Variants in NEK5 observed in about 807,000 individuals in gnomAD.
NEK5 encodes the protein serine/threonine-protein kinase Nek5.
A neutral mutation model predicts 109.2 loss-of-function variants in NEK5; 88 were observed. The observed-to-expected ratio is 0.81, with a 90% CI of 0.68 to 0.96. The LOEUF is 0.96. Ranked by LOEUF, NEK5 falls within the 40% of genes least tolerant of loss-of-function variation. The pLI, the probability that NEK5 is intolerant of heterozygous loss-of-function variation, is 0.00. For synonymous variants in NEK5, 283 were observed against 299.9 expected, an observed-to-expected ratio of 0.94 and a Z score of 0.58; for missense variants, 834 against 920.7, an observed-to-expected ratio of 0.91 and a Z score of 1.22.
intron 17 of NEK5, among the ~76,000 whole-genome samples, chr13:52,078,593 T>TTC: frequency 3.1e-5 from 1 of 31,892 alleles, no homozygotes; most frequent in Non-Finnish European, 1.8e-4. Flanking sequence ...AATAAAACTG[T>TTC]TTTTTTTTTT....
intron 20 of NEK5, among the ~76,000 whole-genome samples, chr13:52,070,250 G>A (rs1174705988): frequency 6.6e-6 from 1 of 152,206 alleles, no homozygotes; most frequent in Non-Finnish European, 1.5e-5. Flanking sequence ...GATGAGAAAA[G>A]TGGGTCACAG....
intron 22 of NEK5, among the ~76,000 whole-genome samples, 194 bp from the exon 23 acceptor site, chr13:52,050,415 G>C (rs1387237131): frequency 6.6e-6 from 1 of 152,148 alleles, no homozygotes; most frequent in East Asian, 1.9e-4. Flanking sequence ...GAGAGGAAGA[G>C]ATAAAACACC....
chr13:52,054,064 A>C (rs141805329), intron 22 of NEK5, among the ~76,000 whole-genome samples: 55 of 152,344 alleles, frequency 3.6e-4, no homozygotes, highest in African/African-American at 1.3e-3. Flanking sequence ...AATGCCTTTT[A>C]ATTCTTGTAA....
chr13:52,086,311 T>C lies in NEK5; in HGVS notation c.1445A>G (p.Lys482Arg). Residue 482 changes from lysine to arginine, a missense_variant, in exon 16 of 24, where the codon AAA (lysine) becomes AGA (arginine). Coordinates refer to ENST00000684899, the MANE Select transcript of NEK5 (RefSeq NM_001365552.1). The part of the protein sequence containing the change: ...EIRQQYHNDM[K>R]EIRKKMGREP... The stretch of plus-strand genomic sequence containing the variant: ...TCTCCCCATCTTCTTTCTAATTTCT[T>C]TCATGTCATTGTGGTACTGTTGGCG... 6.2e-7 allele frequency: 1 copy of C among 1,612,528 alleles called. No homozygotes were observed. Among genetic ancestry groups the C allele is most frequent in the Non-Finnish European group, 8.5e-7 (1 of 1,178,562 alleles).
chr13:52,087,198 T>A lies in NEK5; in HGVS notation c.1392+140A>T, dbSNP rs1955164644. ...TATCTGAGAAAGTGAAATACCTAAC[T>A]CTGTATCCCCTATAACACTCAGCAT... On this transcript the variant is annotated intron_variant, in intron 15 of 23. Coordinates refer to ENST00000684899, the MANE Select transcript of NEK5 (RefSeq NM_001365552.1). 10 of 487,920 alleles carry A rather than the reference T, an allele frequency of 2.0e-5. No individual in the cohort carries two copies. The South Asian group carries it at 4.8e-4, about 23-fold the overall frequency. The allele number at this position is 487,920 out of a possible 1,614,324, so 30.2% of individuals were successfully genotyped here.
chr13:52,071,047 A>C (rs1293205449), intron 20 of NEK5, among the ~76,000 whole-genome samples: 2 of 152,200 alleles, frequency 1.3e-5, no homozygotes, highest in Non-Finnish European at 2.9e-5. Flanking sequence ...CTGTCTCTGA[A>C]GCCTACACCA....
intron 8 of NEK5, among the ~76,000 whole-genome samples, chr13:52,106,124 C>T (rs1413512201): frequency 1.3e-5 from 2 of 152,030 alleles, no homozygotes; most frequent in Non-Finnish European, 2.9e-5. Flanking sequence ...CACACCCTAC[C>T]TGAATTCCTG....
intron 3 of NEK5, among the ~76,000 whole-genome samples, chr13:52,123,411 T>C (rs1194011782): frequency 6.6e-6 from 1 of 152,212 alleles, no homozygotes; most frequent in East Asian, 1.9e-4. Context: ...ATGGGAGAGA[T>C]GCTATGAAAT....
intron 18 of NEK5, 43 bp downstream of exon 18, chr13:52,076,020 C>A (rs1285815697): frequency 1.6e-6 from 2 of 1,254,706 alleles, no homozygotes; most frequent in African/African-American, 1.5e-5. Flanking sequence ...GGCTCCCCAG[C>A]CAGCTATTTA....
Position 52,034,169 on chromosome 13 carries a change from A to T in NEK5, c.*2779T>A, listed in dbSNP as rs141095085. On this transcript the variant is annotated 3_prime_UTR_variant, in exon 24 of 24. Coordinates refer to ENST00000684899, the MANE Select transcript of NEK5 (RefSeq NM_001365552.1). ...ATCATACATGGCTAGCAAGACACTG[A>T]TTTTTCTAATAAAAAAATTTTTAAT... 1.4e-3 allele frequency: 215 copies of T among 152,310 alleles called. No homozygotes were observed. Among genetic ancestry groups the T allele is most frequent in the Admixed American group, 4.0e-3 (61 of 15,298 alleles). The allele number at this position is 152,310 out of a possible 1,614,324, so 9.4% of individuals were successfully genotyped here.
chr13:52,081,266 T>C (rs1955007688), intron 17 of NEK5, among the ~76,000 whole-genome samples: 1 of 152,234 alleles, frequency 6.6e-6, no homozygotes, highest in Non-Finnish European at 1.5e-5. Flanking sequence ...ATCCAAAAAT[T>C]AGACAAATTA....
At chr13:52,042,319 G>A (rs992057313) in intron 23 of NEK5, among the ~76,000 whole-genome samples, 1 of 151,166 alleles carries the variant, frequency 6.6e-6, no homozygotes, top group Admixed American at 6.6e-5. Context: ...GGCAAGTTCA[G>A]AAAAATGATA....
chr13:52,086,498 T>C (rs923171811), intron 15 of NEK5, 135 bp from the exon 16 acceptor site: 1 of 647,232 alleles, frequency 1.5e-6, no homozygotes, highest in Non-Finnish European at 2.7e-6. Flanking sequence ...CTAAAGATGA[T>C]AATCTGCCTT....
At chr13:52,086,391 T>A in intron 15 of NEK5, 28 bp from the exon 16 acceptor site, 1 of 1,370,518 alleles carries the variant, frequency 7.3e-7, no homozygotes, top group Non-Finnish European at 1.0e-6. Context: ...TCCAGAAACT[T>A]TAAATGTTTA....
At chr13:52,127,763 C>A in intron 1 of NEK5, 101 bp from the exon 2 acceptor site, 1 of 321,494 alleles carries the variant, frequency 3.1e-6, no homozygotes, top group Non-Finnish European at 5.7e-6. Context: ...CTGGCAAAAC[C>A]TCACTTTCCT....
At chr13:52,074,975 A>G (rs895464744) in intron 19 of NEK5, among the ~76,000 whole-genome samples, 6 of 152,150 alleles carry the variant, frequency 3.9e-5, no homozygotes, top group Admixed American at 2.6e-4. Context: ...CAAAAAACAA[A>G]TATTGGCGAG....
intron 19 of NEK5, 103 bp from the exon 20 acceptor site, chr13:52,072,173 G>A (rs1191586024): frequency 8.8e-6 from 7 of 795,342 alleles, no homozygotes; most frequent in Non-Finnish European, 1.2e-5. Context: ...AAGGTATATA[G>A]TAAATATTCA....
chr13:52,114,915 T>C (rs923441723), intron 4 of NEK5, among the ~76,000 whole-genome samples: 1 of 152,144 alleles, frequency 6.6e-6, no homozygotes, highest in African/African-American at 2.4e-5. Flanking sequence ...GGAGACACAT[T>C]ATTTCATCTC....
chr13:52,093,362 C>G, intron 12 of NEK5, 127 bp from the exon 13 acceptor site: 1 of 593,670 alleles, frequency 1.7e-6, no homozygotes, highest in Non-Finnish European at 2.9e-6. Context: ...GAGTTCAAGA[C>G]CAGCCTGGCC....
Sources: gnomAD v4.1 joint callset for allele counts (sites outside exome capture counted in the v4.1 genomes callset) on GRCh38, gnomAD v4.1.1 for gene constraint, MANE v1.5 for transcripts, NCBI Gene and HGNC (gene_info 2026-07-23, HGNC 2026-07-21) for gene names.